CD27: variants seen among roughly 807,000 people sequenced by gnomAD.
The protein encoded by CD27 is CD27 molecule.
In CD27, 16 loss-of-function variants were observed where a neutral mutation model predicts 25.9. The ratio of observed to expected loss-of-function variants is 0.62; its 90% CI spans 0.42 to 0.94. The LOEUF (loss-of-function observed/expected upper bound fraction) is 0.94, where lower values mean the gene tolerates loss of function less well. CD27 is among the 40% of genes least tolerant of loss of function. CD27 has a pLI of 0.00. For missense variants in CD27, 300 were observed against 333.2 expected (o/e 0.90, Z 0.78); for synonymous variants, 142 against 124.3 (o/e 1.14, Z -0.95).
chr12:6,445,593 C>T lies in CD27; in HGVS notation c.268+38C>T, dbSNP rs756698161. The T allele has an allele frequency of 3.1e-6, 5 of 1,605,916 alleles. No homozygotes were observed. The highest frequency in any genetic ancestry group is 4.2e-6 in the Non-Finnish European group (5 of 1,177,400). ...AGGGTGTGTAGGTGGGGACGATGGACAAGCATCTGGGGGAGCAAGGCTGGT... is the reference window on the plus strand; with the variant it reads ...AGGGTGTGTAGGTGGGGACGATGGATAAGCATCTGGGGGAGCAAGGCTGGT... On this transcript the variant is annotated intron_variant, in intron 2 of 5. Transcript: ENST00000266557. The surrounding 1 kb of genome is among the most constrained non-coding windows in gnomAD (Gnocchi z 4.5).
chr12:6,451,219 T>A, intron 5 of CD27, 49 bp from the exon 6 acceptor site: 3 of 1,597,804 alleles, frequency 1.9e-6, no homozygotes, highest in Non-Finnish European at 2.6e-6. Context: ...TTCTCCCGTC[T>A]CCCCCTGCCC....
chr12:6,451,206 T>C, intron 5 of CD27, 62 bp from the exon 6 acceptor site: 1 of 1,592,428 alleles, frequency 6.3e-7, no homozygotes, highest in Non-Finnish European at 8.6e-7. Flanking sequence ...TCTACCCATC[T>C]CCTTCTCCCG....
intron 2 of CD27, chr12:6,447,711 G>A (rs1949438575): frequency 2.0e-5 from 3 of 152,044 alleles, no homozygotes; most frequent in Admixed American, 6.6e-5. Flanking sequence ...GTATACATGT[G>A]CCATGTTGGT....
chr12:6,444,901 T>A, upstream of CD27: 1 of 559,806 alleles, frequency 1.8e-6, no homozygotes, highest in Non-Finnish European at 3.1e-6. Flanking sequence ...GGGAAGGGGG[T>A]GGAGGTTGCT....
rs373312708 is a variant in CD27 at position 6,445,810 on chromosome 12, G to C, written c.268+255G>C. 1.3e-5 allele frequency among the ~76,000 whole-genome samples: 2 copies of C among 152,152 alleles called. No individual in the cohort carries two copies. The highest frequency in any genetic ancestry group is 2.4e-5 in the African/African-American group (1 of 41,432). ...ATTGGTGAGAACGGGTCTATGGATA[G>C]GATCAAGACAATAAAATGAGAGAAG... On this transcript the variant is annotated intron_variant, in intron 2 of 5. Coordinates refer to ENST00000266557, the MANE Select transcript of CD27 (RefSeq NM_001242.5). The surrounding 1 kb of genome is among the most constrained non-coding windows in gnomAD (Gnocchi z 4.5).
chr12:6,445,572 T>C lies in CD27; in HGVS notation c.268+17T>C. 2 of 1,611,264 alleles carry C rather than the reference T, an allele frequency of 1.2e-6. No homozygotes were observed. The highest frequency in any genetic ancestry group is 1.7e-6 in the Non-Finnish European group (2 of 1,179,406). ...GTAACTCTGGTGAGGTGGGCAAGGG[T>C]GTGTAGGTGGGGACGATGGACAAGC... On this transcript the variant is annotated intron_variant, in intron 2 of 5. Coordinates refer to ENST00000266557, the MANE Select transcript of CD27 (RefSeq NM_001242.5). The surrounding 1 kb of genome is among the most constrained non-coding windows in gnomAD (Gnocchi z 4.5).
Position 6,450,421 on chromosome 12 carries a change from T to C in CD27, c.448+69T>C. The stretch of plus-strand genomic sequence containing the variant: ...TGATACCCCAACCAGTACTCCCCAC[T>C]CCTACCCCTAGATAAGGTCAGCCTG... On this transcript the variant is annotated intron_variant, in intron 3 of 5. Transcript: ENST00000266557. The surrounding 1 kb of genome is among the most constrained non-coding windows in gnomAD (Gnocchi z 4.1). 2 of 1,540,630 alleles carry C rather than the reference T, an allele frequency of 1.3e-6. No homozygotes were observed. The highest frequency in any genetic ancestry group is 1.8e-6 in the Non-Finnish European group (2 of 1,125,270).
In CD27 at chr12:6,450,086, G is replaced by C. The variant is rs1949495345; in HGVS notation, c.269-87G>C. On this transcript the variant is annotated intron_variant, in intron 2 of 5. Coordinates refer to ENST00000266557, the MANE Select transcript of CD27 (RefSeq NM_001242.5). The surrounding 1 kb of genome is among the most constrained non-coding windows in gnomAD (Gnocchi z 4.1). ...AGCACGTCCCTAGAGGTGGGCCTGG[G>C]ATGGGGGTTGGGGGATGAAGCAAGT... 2 of 1,252,404 alleles carry C rather than the reference G, an allele frequency of 1.6e-6. No individual in the cohort carries two copies. Among genetic ancestry groups the C allele is most frequent in the Non-Finnish European group, 2.2e-6 (2 of 892,528 alleles). 77.6% of individuals were successfully genotyped at this position (1,252,404 alleles called of 1,614,324 possible). A position where few individuals can be genotyped will look rare whatever the true frequency, so the allele number is the denominator to read the frequency against.
chr12:6,445,744 A>G lies in CD27; in HGVS notation c.268+189A>G, dbSNP rs1479469436. On this transcript the variant is annotated intron_variant, in intron 2 of 5. Transcript: ENST00000266557. The surrounding 1 kb of genome is among the most constrained non-coding windows in gnomAD (Gnocchi z 4.5). ...GTGGGGCATGAATTAACGTGGGCAG[A>G]CATCTAGTATTCCAGGAAAGGGATA... Among the ~76,000 whole-genome samples the G allele has an allele frequency of 2.0e-5, 3 of 152,168 alleles. No homozygotes were observed. The East Asian group carries it at 5.8e-4, about 29-fold the overall frequency.
At chr12:6,449,742 T>A (rs532998122) in intron 2 of CD27, among the ~76,000 whole-genome samples, 1 of 151,454 alleles carries the variant, frequency 6.6e-6, no homozygotes, top group Middle Eastern at 3.4e-3. Flanking sequence ...CCCAGCTACT[T>A]GGGAGGCTGA....
intron 5 of CD27, 55 bp from the exon 6 acceptor site, chr12:6,451,213 C>T (rs1949538865): frequency 1.3e-6 from 2 of 1,597,050 alleles, no homozygotes; most frequent in Non-Finnish European, 1.7e-6. Flanking sequence ...ATCTCCTTCT[C>T]CCGTCTCCCC....
chr12:6,447,334 C>T (rs1243229435), intron 2 of CD27: 1 of 152,248 alleles, frequency 6.6e-6, no homozygotes, highest in Non-Finnish European at 1.5e-5. Flanking sequence ...AGTCCCTTCA[C>T]TTGTTCCAAA....
chr12:6,451,372 G>C lies in CD27; in HGVS notation c.763G>C (p.Glu255Gln), dbSNP rs766655010. The change falls in exon 6 of 6, where the codon GAG becomes CAG. Residue 255 changes from glutamate to glutamine, a missense_variant. Glu to Gln is a conservative substitution (Grantham distance 29). Coordinates refer to ENST00000266557, the MANE Select transcript of CD27 (RefSeq NM_001242.5). ...IPIQEDYRKPEPACSP is the reference protein window; with the variant it reads ...IPIQEDYRKPQPACSP ...CATCCAGGAGGATTACCGAAAACCG[G>C]AGCCTGCCTGCTCCCCCTGAGCCAG... 24 of 1,613,288 alleles carry C rather than the reference G, an allele frequency of 1.5e-5. No individual in the cohort carries two copies. The East Asian group carries it at 4.9e-4, about 33-fold the overall frequency.
In CD27 at chr12:6,451,572, T is replaced by A. The variant is rs1949549085; in HGVS notation, c.*180T>A. The A allele has an allele frequency of 4.7e-6, 3 of 633,964 alleles. No homozygotes were observed. In the East Asian group the frequency reaches 8.5e-5, roughly 18 times the overall value. 39.3% of individuals were successfully genotyped at this position (633,964 alleles called of 1,614,324 possible). A position where few individuals can be genotyped will look rare whatever the true frequency, so the allele number is the denominator to read the frequency against. On this transcript the variant is annotated 3_prime_UTR_variant, in exon 6 of 6. Transcript: ENST00000266557. ...TGGCAGGGACGAGGACAAATATGGA[T>A]GAGGTGGAGAGTGGGAAGCAGGAGC... is the stretch of plus-strand genomic sequence containing the variant.
Position 6,451,153 on chromosome 12 carries a change from T to C in CD27, c.659-115T>C, listed in dbSNP as rs1251370975. On this transcript the variant is annotated intron_variant, in intron 5 of 5. Transcript: ENST00000266557. ...CTTGGTCCTACCCCTTCTCTCCCCT[T>C]AGCTGGCGTGCTCCTGACACCCCTC... 4.5e-5 allele frequency: 69 copies of C among 1,524,576 alleles called. 1 individual carries two copies. The Admixed American group carries it at 9.1e-4, about 20-fold the overall frequency. The allele number at this position is 1,524,576 out of a possible 1,614,324, so 94.4% of individuals were successfully genotyped here.
chr12:6,444,274 G>A (rs1949382297), upstream of CD27, among the ~76,000 whole-genome samples: 1 of 150,944 alleles, frequency 6.6e-6, no homozygotes, highest in African/African-American at 2.4e-5. Context: ...ACAGAAGAGA[G>A]GCAGCTCTAC....
Position 6,450,050 on chromosome 12 carries a change from A to C in CD27, c.269-123A>C. The C allele has an allele frequency of 2.6e-6, 2 of 757,164 alleles. No homozygotes were observed. The highest frequency in any genetic ancestry group is 4.2e-6 in the Non-Finnish European group (2 of 470,612). The allele number at this position is 757,164 out of a possible 1,614,324, so 46.9% of individuals were successfully genotyped here. A position where few individuals can be genotyped will look rare whatever the true frequency, so the allele number is the denominator to read the frequency against. On this transcript the variant is annotated intron_variant, in intron 2 of 5. Transcript: ENST00000266557. This position sits in a 1 kb window ranked among gnomAD's most constrained non-coding sequence, Gnocchi z 4.1. ...AGGGCAGGCCTTTGCAGGGGTGGGAATGGAAAGGGAAGCACGTCCCTAGAG... is the reference window on the plus strand; with the variant it reads ...AGGGCAGGCCTTTGCAGGGGTGGGACTGGAAAGGGAAGCACGTCCCTAGAG...
rs190887089 is a variant in CD27 at position 6,445,622 on chromosome 12, G to A, written c.268+67G>A. ...CATCTGGGGGAGCAAGGCTGGTGAC[G>A]GGTTTGGGGGTGCAAGGAGGATGAC... On this transcript the variant is annotated intron_variant, in intron 2 of 5. Transcript: ENST00000266557. This position sits in a 1 kb window ranked among gnomAD's most constrained non-coding sequence, Gnocchi z 4.5. The A allele has an allele frequency of 3.5e-4, 548 of 1,563,840 alleles. No individual in the cohort carries two copies. In the African/African-American group the frequency reaches 3.9e-3, roughly 11 times the overall value.
In CD27 at chr12:6,445,669, T is replaced by A. The variant is rs974051146; in HGVS notation, c.268+114T>A. 60 of 1,355,634 alleles carry A rather than the reference T, an allele frequency of 4.4e-5. No individual in the cohort carries two copies. The African/African-American group carries it at 8.0e-4, about 18-fold the overall frequency. 84.0% of individuals were successfully genotyped at this position (1,355,634 alleles called of 1,614,324 possible). On this transcript the variant is annotated intron_variant, in intron 2 of 5. Transcript: ENST00000266557. The surrounding 1 kb of genome is among the most constrained non-coding windows in gnomAD (Gnocchi z 4.5). The stretch of plus-strand genomic sequence containing the variant: ...TGACGGGGCCAAAGCTTTGGCCTTC[T>A]TCAAGGCTCACAGCAAGTGGAGCCA...
Sources: allele counts gnomAD v4.1 joint callset (sites outside exome capture counted in the v4.1 genomes callset), GRCh38; gene constraint gnomAD v4.1.1; non-coding constraint Gnocchi (gnomAD v3.1); transcripts MANE v1.5; gene names NCBI Gene and HGNC (gene_info 2026-07-23, HGNC 2026-07-21).